DGKB: variants seen among roughly 807,000 people sequenced by gnomAD.
The protein encoded by DGKB is 90 kDa diacylglycerol kinase.
DGKB carries 67 observed loss-of-function variants against 114.3 expected under a neutral mutation model. That is an observed-to-expected ratio of 0.59 (90% CI 0.48 to 0.72). The LOEUF is 0.72. Among genes scored for constraint, DGKB ranks in the 30% least tolerant of loss-of-function variants. The pLI, the probability that DGKB is intolerant of heterozygous loss-of-function variation, is 0.00. For synonymous variants in DGKB, 398 were observed against 323.1 expected, an observed-to-expected ratio of 1.23 and a Z score of -2.49; for missense variants, 907 against 975.2, an observed-to-expected ratio of 0.93 and a Z score of 0.93.
intron 17 of DGKB, among the ~76,000 whole-genome samples, chr7:14,599,442 T>G (rs963773905): frequency 6.6e-6 from 1 of 152,164 alleles, no homozygotes; most frequent in South Asian, 2.1e-4. Flanking sequence ...TTTCCAATCA[T>G]TATGCTTTTA....
intron 23 of DGKB, among the ~76,000 whole-genome samples, chr7:14,227,166 G>T (rs1342861261): frequency 6.6e-6 from 1 of 152,044 alleles, no homozygotes; most frequent in Non-Finnish European, 1.5e-5. Context: ...CCAAGCCTTG[G>T]TTCATTCTAC....
intron 1 of DGKB, among the ~76,000 whole-genome samples, chr7:14,924,884 G>T (rs189274614): frequency 6.6e-6 from 1 of 152,118 alleles, no homozygotes; most frequent in East Asian, 1.9e-4. Context: ...GATTCCTCAG[G>T]TTGCCTTTTG....
At chr7:14,528,052 AG>A (rs1790927820) in intron 20 of DGKB, among the ~76,000 whole-genome samples, 1 of 152,140 alleles carries the variant, frequency 6.6e-6, no homozygotes, top group African/African-American at 2.4e-5. Context: ...AATACCTTAG[AG>A]AAAAATAACT....
At chr7:14,790,339 A>T (rs1406182626) in intron 2 of DGKB, among the ~76,000 whole-genome samples, 1 of 152,190 alleles carries the variant, frequency 6.6e-6, no homozygotes, top group African/African-American at 2.4e-5. Context: ...TGCACTTTCA[A>T]TATCAAGTCT....
intron 1 of DGKB, among the ~76,000 whole-genome samples, chr7:14,970,674 TC>T (rs1787412511): frequency 6.6e-6 from 1 of 152,044 alleles, no homozygotes; most frequent in Non-Finnish European, 1.5e-5. Flanking sequence ...TCATACCCCT[TC>T]CCCTAAAGTG....
chr7:14,649,528 T>C (rs144367491), intron 13 of DGKB, among the ~76,000 whole-genome samples: 5,372 of 152,032 alleles, frequency 0.035, 332 homozygotes, highest in African/African-American at 0.12. Flanking sequence ...CCGGTACCAG[T>C]TGCTGCAAAA....
Position 14,829,258 on chromosome 7 carries a change from C to G in DGKB, c.70+11936G>C, listed in dbSNP as rs144089308. On this transcript the variant is annotated intron_variant, in intron 2 of 25. Coordinates refer to ENST00000402815, the MANE Select transcript of DGKB (RefSeq NM_001350709.2). ...TTTGGTATTGACCCATTATTCATTA[C>G]CACTTATGGAAGAAAGTGTCTGACA... Among the ~76,000 whole-genome samples the G allele has an allele frequency of 4.3e-3, 650 of 152,222 alleles. 8 individuals are homozygous for G. The highest frequency in any genetic ancestry group is 0.024 in the Middle Eastern group (7 of 294).
At chr7:14,292,785 G>C (rs1801965960) in intron 23 of DGKB, among the ~76,000 whole-genome samples, 1 of 152,150 alleles carries the variant, frequency 6.6e-6, no homozygotes, top group Non-Finnish European at 1.5e-5. Flanking sequence ...AGAGGCTTCT[G>C]TTTTTGAAAT....
At chr7:14,184,209 A>C (rs1783060458) in intron 23 of DGKB, among the ~76,000 whole-genome samples, 1 of 152,156 alleles carries the variant, frequency 6.6e-6, no homozygotes, top group Admixed American at 6.5e-5. Flanking sequence ...GGGTGACCAG[A>C]GGAGCAGGGG....
chr7:14,426,410 G>A (rs1827531847), intron 21 of DGKB, among the ~76,000 whole-genome samples: 1 of 152,112 alleles, frequency 6.6e-6, no homozygotes, highest in Admixed American at 6.6e-5. Context: ...AGCCTACCAA[G>A]GGGGATCAGC....
Position 14,520,212 on chromosome 7 carries a change from T to A in DGKB, c.1771-41987A>T, listed in dbSNP as rs554527073. The stretch of plus-strand genomic sequence containing the variant: ...TATTGACTTTTATCTTTTTTCCTAT[T>A]TTTTTTTTTTTTTTGCAGGAGGCAG... On this transcript the variant is annotated intron_variant, in intron 20 of 25. Transcript: ENST00000402815. 1.0e-4 allele frequency among the ~76,000 whole-genome samples: 15 copies of A among 145,596 alleles called. No individual in the cohort carries two copies. In the East Asian group the frequency reaches 2.9e-3, roughly 29 times the overall value.
chr7:14,653,506 G>T (rs1007437615), intron 13 of DGKB, among the ~76,000 whole-genome samples: 2 of 151,972 alleles, frequency 1.3e-5, no homozygotes, highest in Non-Finnish European at 2.9e-5. Flanking sequence ...GGACTGTTGT[G>T]GGGTGGGGGT....
chr7:14,643,098 G>T (rs1421109409), intron 13 of DGKB, among the ~76,000 whole-genome samples: 1 of 152,096 alleles, frequency 6.6e-6, no homozygotes, highest in African/African-American at 2.4e-5. Flanking sequence ...CACAAATTCA[G>T]CAAGAAAATG....
At chr7:14,174,791 TATCACC>T (rs1318220531) in intron 25 of DGKB, among the ~76,000 whole-genome samples, 1 of 152,108 alleles carries the variant, frequency 6.6e-6, no homozygotes, top group Admixed American at 6.6e-5. Flanking sequence ...TTATCATCAC[TATCACC>T]ATCACCATCA....
Position 14,866,736 on chromosome 7 carries a change from G to A in DGKB, c.-187-25286C>T, listed in dbSNP as rs74852527. On this transcript the variant is annotated intron_variant, in intron 1 of 25. Coordinates refer to ENST00000402815, the MANE Select transcript of DGKB (RefSeq NM_001350709.2). The stretch of plus-strand genomic sequence containing the variant: ...GTGGAAATAATTTTTCATATCCTTT[G>A]GGTAAATACTAAGGCACTTGATGAT... Among the ~76,000 whole-genome samples the A allele has an allele frequency of 1.1e-3, 168 of 152,116 alleles. 3 individuals carry two copies. In the East Asian group the frequency reaches 0.028, roughly 25 times the overall value.
At chr7:14,472,393 T>G (rs1283265004) in intron 21 of DGKB, among the ~76,000 whole-genome samples, 1 of 152,204 alleles carries the variant, frequency 6.6e-6, no homozygotes, top group Non-Finnish European at 1.5e-5. Context: ...ACAATGTGAC[T>G]TGTTCCTCCT....
At chr7:14,870,535 T>C (rs983016727) in intron 1 of DGKB, among the ~76,000 whole-genome samples, 6 of 152,168 alleles carry the variant, frequency 3.9e-5, no homozygotes, top group Non-Finnish European at 7.4e-5. Flanking sequence ...TGATGGCTCA[T>C]GCCTGTAATC....
At chr7:14,209,695 T>TAACA (rs1787441467) in intron 23 of DGKB, 2 of 290,970 alleles carry the variant, frequency 6.9e-6, no homozygotes, top group Non-Finnish European at 1.4e-5. Flanking sequence ...CTATCTTCCC[T>TAACA]AACAAGAAAT....
In DGKB at chr7:14,387,881, C is replaced by CTT. The variant is rs11448628; in HGVS notation, c.1836-42492_1836-42491dup. The stretch of plus-strand genomic sequence containing the variant: ...GTATCATCAGTTGAAGTGTCCTTTT[C>CTT]TTTTTTTTTTTTTTTTTTGACACAG... On this transcript the variant is annotated intron_variant, in intron 21 of 25. Transcript: ENST00000402815. Among the ~76,000 whole-genome samples the CTT allele has an allele frequency of 1.6e-3, 192 of 117,878 alleles. 2 individuals are homozygous for CTT. Among genetic ancestry groups the CTT allele is most frequent in the Middle Eastern group, 4.5e-3 (1 of 222 alleles). The allele number at this position is 117,878 out of a possible 152,430, so 77.3% of individuals were successfully genotyped here.
Sources: gnomAD v4.1 joint callset for allele counts (sites outside exome capture counted in the v4.1 genomes callset) on GRCh38, gnomAD v4.1.1 for gene constraint, MANE v1.5 for transcripts, NCBI Gene and HGNC (gene_info 2026-07-23, HGNC 2026-07-21) for gene names.